PHACTR1: variants seen among roughly 807,000 people sequenced by gnomAD.
The protein encoded by PHACTR1 is phosphatase and actin regulator 1.
Under a neutral mutation model 69.2 loss-of-function variants are expected in PHACTR1, and 16 were observed. That is an observed-to-expected ratio of 0.23 (90% CI 0.16 to 0.35). The LOEUF (loss-of-function observed/expected upper bound fraction) is 0.35, where lower values mean the gene tolerates loss of function less well. PHACTR1 is among the 10% of genes least tolerant of loss of function. PHACTR1 has a pLI of 1.00. For synonymous variants in PHACTR1, 312 were observed against 284.5 expected (o/e 1.10, Z -0.97); for missense variants, 510 against 734.7 (o/e 0.69, Z 3.54).
chr6:13,106,828 G>C (rs956104040), intron 5 of PHACTR1, among the ~76,000 whole-genome samples: 1 of 152,016 alleles, frequency 6.6e-6, no homozygotes, highest in Non-Finnish European at 1.5e-5. Context: ...TCAAAAAGAC[G>C]AACTGCAATT....
intron 4 of PHACTR1, among the ~76,000 whole-genome samples, chr6:12,815,601 C>T (rs1330943291): frequency 6.6e-6 from 1 of 152,230 alleles, no homozygotes; most frequent in Non-Finnish European, 1.5e-5. Context: ...TGCTACTTAA[C>T]TCCTTCACCT....
At chr6:12,740,669 T>A (rs1462433049) in intron 3 of PHACTR1, among the ~76,000 whole-genome samples, 1 of 152,154 alleles carries the variant, frequency 6.6e-6, no homozygotes, top group African/African-American at 2.4e-5. Flanking sequence ...ATTGAAAATA[T>A]CTTCTCCCAG....
At chr6:12,744,991 A>G (rs763016608) in intron 3 of PHACTR1, among the ~76,000 whole-genome samples, 1 of 152,168 alleles carries the variant, frequency 6.6e-6, no homozygotes, top group Non-Finnish European at 1.5e-5. Context: ...CTAGGTATAC[A>G]GGTCTCATCT....
chr6:13,270,189 T>A (rs1256865210), intron 10 of PHACTR1, among the ~76,000 whole-genome samples: 3 of 152,204 alleles, frequency 2.0e-5, no homozygotes, highest in Non-Finnish European at 4.4e-5. Context: ...AAACACTTAC[T>A]TTACCAGTTT....
chr6:12,895,349 T>C (rs945088404), intron 4 of PHACTR1, among the ~76,000 whole-genome samples: 2 of 151,902 alleles, frequency 1.3e-5, no homozygotes, highest in East Asian at 1.9e-4. Flanking sequence ...ACCTGGCTAA[T>C]TTTTTGTATT....
chr6:13,018,863 C>CTGTT (rs956885290), intron 4 of PHACTR1, among the ~76,000 whole-genome samples: 13 of 151,590 alleles, frequency 8.6e-5, no homozygotes, highest in African/African-American at 2.2e-4. Context: ...ACTCATCTAT[C>CTGTT]TGTTTGTTTA....
At chr6:13,151,712 A>C (rs974440179) in intron 5 of PHACTR1, among the ~76,000 whole-genome samples, 4 of 152,202 alleles carry the variant, frequency 2.6e-5, no homozygotes, top group Non-Finnish European at 5.9e-5. Context: ...CAACATGCAT[A>C]GAATGATTTC....
chr6:13,026,438 G>A (rs1268291426), intron 4 of PHACTR1, among the ~76,000 whole-genome samples: 11 of 152,160 alleles, frequency 7.2e-5, no homozygotes, highest in African/African-American at 2.2e-4. Flanking sequence ...CCAGGTATAG[G>A]AGGGTCAAGC....
chr6:12,938,372 C>T (rs2127537910), intron 4 of PHACTR1, among the ~76,000 whole-genome samples: 1 of 152,204 alleles, frequency 6.6e-6, no homozygotes, highest in Admixed American at 6.5e-5. Flanking sequence ...TTCTGCCCAG[C>T]CACCTCTCTA....
At chr6:13,236,823 T>C (rs1319889981) in intron 10 of PHACTR1, among the ~76,000 whole-genome samples, 1 of 152,168 alleles carries the variant, frequency 6.6e-6, no homozygotes, top group Non-Finnish European at 1.5e-5. Flanking sequence ...TGGAGAAGTT[T>C]CAAGTGGGTT....
intron 4 of PHACTR1, among the ~76,000 whole-genome samples, chr6:12,750,484 T>TG (rs899400939): frequency 8.0e-6 from 1 of 124,960 alleles, no homozygotes; most frequent in Non-Finnish European, 1.6e-5. Context: ...GGGAAGGCAG[T>TG]GGGGCGCTAG....
chr6:13,273,901 G>T (rs1365459632), intron 11 of PHACTR1: 1 of 120,908 alleles, frequency 8.3e-6, no homozygotes, highest in Non-Finnish European at 1.7e-5. Context: ...TGCCTCCCCC[G>T]GCCCCCCCGC....
At chr6:12,743,405 C>A (rs752227679) in intron 3 of PHACTR1, among the ~76,000 whole-genome samples, 29 of 152,146 alleles carry the variant, frequency 1.9e-4, no homozygotes, top group Non-Finnish European at 3.7e-4. Context: ...TTACCTTTCA[C>A]ATAGGCTTTT....
At chr6:12,886,606 C>A (rs1375431510) in intron 4 of PHACTR1, among the ~76,000 whole-genome samples, 1 of 152,184 alleles carries the variant, frequency 6.6e-6, no homozygotes, top group East Asian at 1.9e-4. Flanking sequence ...AATGTCACAT[C>A]TGCTATTCCC....
chr6:13,279,031 C>CTTT (rs5874408), intron 12 of PHACTR1, among the ~76,000 whole-genome samples: 38 of 139,206 alleles, frequency 2.7e-4, no homozygotes, highest in Admixed American at 1.4e-3. Flanking sequence ...AAAGTATAGA[C>CTTT]TTTTTTTTTT....
chr6:12,881,274 T>G (rs1363736351), intron 4 of PHACTR1, among the ~76,000 whole-genome samples: 5 of 152,188 alleles, frequency 3.3e-5, no homozygotes, highest in African/African-American at 1.2e-4. Flanking sequence ...TGAGTGACTC[T>G]CAAGTTTCCA....
chr6:13,072,480 C>CTTCCTTT (rs1302149039), intron 5 of PHACTR1, among the ~76,000 whole-genome samples: 4 of 47,440 alleles, frequency 8.4e-5, no homozygotes, highest in Admixed American at 3.5e-4. Context: ...TTTATACATA[C>CTTCCTTT]TTGCTTTCAT....
intron 5 of PHACTR1, among the ~76,000 whole-genome samples, chr6:13,103,526 T>C (rs527917712): frequency 2.8e-4 from 42 of 152,374 alleles, no homozygotes; most frequent in Middle Eastern, 6.8e-3. Flanking sequence ...GTACCTGTAG[T>C]AGCTTCTTGA....
chr6:13,199,862 T>C (rs1030833685), intron 7 of PHACTR1, among the ~76,000 whole-genome samples: 6 of 152,204 alleles, frequency 3.9e-5, no homozygotes, highest in African/African-American at 1.4e-4. Context: ...TTTATAAAAC[T>C]CAATTGGAAG....
Sources: gnomAD v4.1 joint callset for allele counts (sites outside exome capture counted in the v4.1 genomes callset) on GRCh38, gnomAD v4.1.1 for gene constraint, MANE v1.5 for transcripts, NCBI Gene and HGNC (gene_info 2026-07-23, HGNC 2026-07-21) for gene names.